TGFBRAP1: variants seen among roughly 807,000 people sequenced by gnomAD.
TGFBRAP1 encodes the protein transforming growth factor-beta receptor-associated protein 1.
A neutral mutation model predicts 83.2 loss-of-function variants in TGFBRAP1; 20 were observed. That is an observed-to-expected ratio of 0.24 (90% CI 0.17 to 0.35). The LOEUF (loss-of-function observed/expected upper bound fraction) is 0.35. Ranked by LOEUF, TGFBRAP1 falls within the 10% of genes least tolerant of loss-of-function variation. The probability of loss-of-function intolerance (pLI) is 1.00; values close to 1 mark genes in which losing one functional copy is unlikely to be tolerated. For missense variants in TGFBRAP1, 950 were observed against 1,099.4 expected, an observed-to-expected ratio of 0.86 and a Z score of 1.92; for synonymous variants, 415 against 459.8, an observed-to-expected ratio of 0.90 and a Z score of 1.25.
At chr2:105,313,467 G>A (rs776226842) in intron 1 of TGFBRAP1, among the ~76,000 whole-genome samples, 1 of 152,198 alleles carries the variant, frequency 6.6e-6, no homozygotes, top group Non-Finnish European at 1.5e-5. Flanking sequence ...ATTTCCTAGC[G>A]AGTTCCACTA....
At chr2:105,273,744 T>C (rs2104318654) in intron 8 of TGFBRAP1, 54 bp from the exon 9 acceptor site, 6 of 1,584,050 alleles carry the variant, frequency 3.8e-6, no homozygotes, top group Non-Finnish European at 5.1e-6. Flanking sequence ...ACCTTTCCTT[T>C]AACTTTATTT....
chr2:105,306,785 C>G (rs1396376701), intron 2 of TGFBRAP1, among the ~76,000 whole-genome samples: 3 of 152,028 alleles, frequency 2.0e-5, no homozygotes, highest in East Asian at 1.9e-4. Flanking sequence ...GGCAATAAAG[C>G]GAGACTCTGT....
chr2:105,269,257 G>C lies in TGFBRAP1; in HGVS notation c.2406+15C>G. The stretch of plus-strand genomic sequence containing the variant: ...TTGACTGACCAGGAAGCAGCTCGTG[G>C]GGGCCAGCACTTACCTTATCGTAGG... On this transcript the variant is annotated intron_variant, in intron 11 of 11. Transcript: ENST00000393359. This position sits in a 1 kb window ranked among gnomAD's most constrained non-coding sequence, Gnocchi z 4.1. The C allele has an allele frequency of 1.3e-6, 2 of 1,567,254 alleles. No individual in the cohort carries two copies. The highest frequency in any genetic ancestry group is 8.7e-7 in the Non-Finnish European group (1 of 1,149,954).
chr2:105,294,709 T>C (rs950200716), intron 4 of TGFBRAP1, among the ~76,000 whole-genome samples: 10 of 151,966 alleles, frequency 6.6e-5, no homozygotes, highest in African/African-American at 2.2e-4. Flanking sequence ...AGATACCAGA[T>C]TGGAGAACAA....
At chr2:105,272,811 T>TA (rs751531428) in intron 10 of TGFBRAP1, 44 bp downstream of exon 10, 1 of 1,601,996 alleles carries the variant, frequency 6.2e-7, no homozygotes, top group Non-Finnish European at 8.5e-7. Flanking sequence ...ACCCGCTTGA[T>TA]ATGAGTTTTT....
At chr2:105,305,642 C>A (rs1678469738) in intron 2 of TGFBRAP1, among the ~76,000 whole-genome samples, 4 of 152,076 alleles carry the variant, frequency 2.6e-5, no homozygotes, top group Admixed American at 2.6e-4. Flanking sequence ...TACCTCAAAT[C>A]CTTTTTATTT....
At chr2:105,280,801 G>A in intron 5 of TGFBRAP1, 78 bp from the exon 6 acceptor site, 1 of 1,456,416 alleles carries the variant, frequency 6.9e-7, no homozygotes. Context: ...CACTGGAGGG[G>A]AGCGCACGGT....
chr2:105,256,754 CCT>C, the TGFBRAP1 span, among the ~76,000 whole-genome samples: 2 of 152,174 alleles, frequency 1.3e-5, no homozygotes, highest in Non-Finnish European at 2.9e-5. Flanking sequence ...AAGGCTGAAA[CCT>C]ACTGGGCTGC....
intron 2 of TGFBRAP1, among the ~76,000 whole-genome samples, chr2:105,306,809 A>G (rs1424449854): frequency 7.9e-5 from 12 of 152,090 alleles, no homozygotes; most frequent in Admixed American, 7.9e-4. Context: ...AAAACAAAAC[A>G]AACAAACAAA....
At chr2:105,298,756 A>G (rs1386398391) in intron 2 of TGFBRAP1, 51 bp from the exon 3 acceptor site, 6 of 1,498,498 alleles carry the variant, frequency 4.0e-6, no homozygotes, top group Non-Finnish European at 5.4e-6. Context: ...GCATGGTGTC[A>G]TTTTCCTGTA....
intron 11 of TGFBRAP1, among the ~76,000 whole-genome samples, chr2:105,268,693 G>T (rs1490716905): frequency 1.3e-5 from 2 of 152,290 alleles, no homozygotes; most frequent in South Asian, 4.1e-4. Context: ...AGGGGAACAC[G>T]TCGGATACCC....
At chr2:105,306,066 T>G (rs13001964) in intron 2 of TGFBRAP1, among the ~76,000 whole-genome samples, 24,683 of 115,140 alleles carry the variant, frequency 0.21, 2,639 homozygotes, top group Admixed American at 0.3. Context: ...TTTTTGTTTT[T>G]TGTTTTTTTT....
downstream of TGFBRAP1, among the ~76,000 whole-genome samples, chr2:105,264,005 G>T (rs1461182927): frequency 2.0e-5 from 3 of 152,198 alleles, no homozygotes; most frequent in Non-Finnish European, 4.4e-5. Context: ...AAATTCAACA[G>T]GATAGCTGAA....
intron 4 of TGFBRAP1, among the ~76,000 whole-genome samples, chr2:105,291,141 G>A (rs1378928089): frequency 1.3e-5 from 2 of 152,186 alleles, no homozygotes; most frequent in African/African-American, 4.8e-5. Context: ...ATTAGGAGGT[G>A]TAGTCTTGGG....
At chr2:105,296,265 A>G in intron 4 of TGFBRAP1, 91 bp downstream of exon 4, 2 of 1,496,350 alleles carry the variant, frequency 1.3e-6, no homozygotes, top group Non-Finnish European at 1.8e-6. Flanking sequence ...ACAGCCCGGT[A>G]CACAGGAAGG....
chr2:105,286,366 G>A (rs1486141466), intron 4 of TGFBRAP1, among the ~76,000 whole-genome samples: 8 of 152,182 alleles, frequency 5.3e-5, no homozygotes. Context: ...GTTCTCTGAA[G>A]GTGACGGTCT....
chr2:105,274,914 G>A (rs1677285625), intron 8 of TGFBRAP1, among the ~76,000 whole-genome samples: 1 of 152,242 alleles, frequency 6.6e-6, no homozygotes, highest in Non-Finnish European at 1.5e-5. Context: ...GATGAGAACT[G>A]AAATGCTTGC....
At chr2:105,249,951 ATG>A in the TGFBRAP1 span, among the ~76,000 whole-genome samples, 1 of 152,174 alleles carries the variant, frequency 6.6e-6, no homozygotes, top group Non-Finnish European at 1.5e-5. Context: ...TGGTGTGTGC[ATG>A]TGTGTGCGTG....
intron 4 of TGFBRAP1, among the ~76,000 whole-genome samples, chr2:105,286,620 G>A (rs1019812091): frequency 1.3e-5 from 2 of 152,204 alleles, no homozygotes; most frequent in African/African-American, 4.8e-5. Flanking sequence ...ATTGCCAGGT[G>A]AAGAGAGTAA....
Sources: gnomAD v4.1 joint callset for allele counts (sites outside exome capture counted in the v4.1 genomes callset) on GRCh38, gnomAD v4.1.1 for gene constraint, Gnocchi (gnomAD v3.1) non-coding constraint, MANE v1.5 for transcripts, NCBI Gene and HGNC (gene_info 2026-07-23, HGNC 2026-07-21) for gene names.